PCDHGB3: variants seen among roughly 807,000 people sequenced by gnomAD.
PCDHGB3 encodes protocadherin gamma-B3.
PCDHGB3 carries 40 observed loss-of-function variants against 59.2 expected under a neutral mutation model. The observed-to-expected ratio is 0.68, with a 90% CI of 0.52 to 0.88. The LOEUF is 0.88. PCDHGB3 is among the 40% of genes least tolerant of loss of function. The pLI, the probability that PCDHGB3 is intolerant of heterozygous loss-of-function variation, is 0.00. For synonymous variants in PCDHGB3, 581 were observed against 503.6 expected (o/e 1.15, Z -2.06); for missense variants, 1,309 against 1,187.9 (o/e 1.10, Z -1.50).
At chr5:141,404,516 T>G (rs968433488) in intron 1 of PCDHGB3, 1 of 1,613,754 alleles carries the variant, frequency 6.2e-7, no homozygotes, top group African/African-American at 1.3e-5. Flanking sequence ...CTCCTTTGAC[T>G]ATGAGCAGTT....
intron 1 of PCDHGB3, chr5:141,478,803 T>G: frequency 2.1e-6 from 3 of 1,463,244 alleles, no homozygotes; most frequent in Non-Finnish European, 2.7e-6. Context: ...AGCACTCTTT[T>G]GCTATCACAA....
At chr5:141,409,109 A>G in intron 1 of PCDHGB3, 1 of 1,614,028 alleles carries the variant, frequency 6.2e-7, no homozygotes, top group Non-Finnish European at 8.5e-7. Context: ...TATGATTAAG[A>G]ATAACCAGTC....
At chr5:141,469,543 C>G (rs1031152008) in intron 1 of PCDHGB3, among the ~76,000 whole-genome samples, 4 of 152,040 alleles carry the variant, frequency 2.6e-5, no homozygotes, top group Non-Finnish European at 4.4e-5. Flanking sequence ...CCACTGCACT[C>G]CAGCCTGGCG....
At position 141,485,229 on chromosome 5, in the gene PCDHGB3, TC is replaced by T; in HGVS notation, c.2416-9576del. On this transcript the variant is annotated intron_variant, in intron 1 of 3. Transcript: ENST00000576222. The surrounding 1 kb of genome is among the most constrained non-coding windows in gnomAD (Gnocchi z 5.7). ...ATCTGGCGGTGGGCTACCCTTTTGT[TC>T]CTCTTTTACCACCTGGGTTACGTTT... 6.2e-7 allele frequency: 1 copy of T among 1,614,160 alleles called. No homozygotes were observed. The highest frequency in any genetic ancestry group is 8.5e-7 in the Non-Finnish European group (1 of 1,180,022).
chr5:141,450,829 A>ATTTTTT (rs373424450), intron 1 of PCDHGB3, among the ~76,000 whole-genome samples: 1 of 135,126 alleles, frequency 7.4e-6, no homozygotes. Context: ...TATTATTATT[A>ATTTTTT]TTTTTTTTTT....
chr5:141,422,594 C>G, intron 1 of PCDHGB3: 1 of 1,614,090 alleles, frequency 6.2e-7, no homozygotes, highest in Non-Finnish European at 8.5e-7. Flanking sequence ...TTTCCTCACT[C>G]CTCTTACTCT....
Position 141,477,691 on chromosome 5 carries a change from A to G in PCDHGB3, c.2416-17116A>G, listed in dbSNP as rs1315811441. 6.2e-7 allele frequency: 1 copy of G among 1,614,188 alleles called. No homozygotes were observed. Among genetic ancestry groups the G allele is most frequent in the South Asian group, 1.1e-5 (1 of 91,090 alleles). On this transcript the variant is annotated intron_variant, in intron 1 of 3. Coordinates refer to ENST00000576222, the MANE Select transcript of PCDHGB3 (RefSeq NM_018924.5). This position sits in a 1 kb window ranked among gnomAD's most constrained non-coding sequence, Gnocchi z 4.9. ...GCATAGTGTCATCCTTAGTGCCCCT[A>G]GACTATGAGGATCGGCGGGAATTTG...
chr5:141,414,854 A>C (rs1191943867), intron 1 of PCDHGB3: 3 of 1,614,230 alleles, frequency 1.9e-6, no homozygotes, highest in Non-Finnish European at 2.5e-6. Context: ...CTGGACCAGA[A>C]CGACAATGCG....
chr5:141,407,996 TG>T, intron 1 of PCDHGB3: 1 of 872,306 alleles, frequency 1.1e-6, no homozygotes, highest in Non-Finnish European at 1.7e-6. Flanking sequence ...GCCTCTGGCC[TG>T]GGATTCCCTG....
chr5:141,400,528 A>G, intron 1 of PCDHGB3: 2 of 1,613,868 alleles, frequency 1.2e-6, no homozygotes, highest in South Asian at 2.2e-5. Flanking sequence ...TGAGTTGGTG[A>G]GTTTCATTTA....
intron 1 of PCDHGB3, chr5:141,384,587 T>C: frequency 6.2e-7 from 1 of 1,614,218 alleles, no homozygotes; most frequent in Non-Finnish European, 8.5e-7. Flanking sequence ...CCCGAGATCC[T>C]GTACCCGGCC....
chr5:141,476,754 T>G lies in PCDHGB3; in HGVS notation c.2416-18053T>G. 1 of 1,613,926 alleles carries G rather than the reference T, an allele frequency of 6.2e-7. No individual in the cohort carries two copies. The highest frequency in any genetic ancestry group is 1.1e-5 in the South Asian group (1 of 91,084). On this transcript the variant is annotated intron_variant, in intron 1 of 3. Coordinates refer to ENST00000576222, the MANE Select transcript of PCDHGB3 (RefSeq NM_018924.5). The surrounding 1 kb of genome is among the most constrained non-coding windows in gnomAD (Gnocchi z 7.6). Reference sequence around the variant, plus strand: ...GAACGGGAGCCTAGTCTCCAGTTAGTGCTGACGGCGTTGGACGGAGGGACC... The same window carrying G: ...GAACGGGAGCCTAGTCTCCAGTTAGGGCTGACGGCGTTGGACGGAGGGACC...
intron 1 of PCDHGB3, chr5:141,424,083 C>T (rs2096798692): frequency 4.2e-6 from 4 of 957,190 alleles, no homozygotes; most frequent in Non-Finnish European, 5.1e-6. Flanking sequence ...TATATTCCAC[C>T]ATTATTTGCT....
chr5:141,430,967 G>A lies in PCDHGB3; in HGVS notation c.2415+58158G>A, dbSNP rs746992307. 5 of 1,613,256 alleles carry A rather than the reference G, an allele frequency of 3.1e-6. No individual in the cohort carries two copies. In the East Asian group the frequency reaches 6.7e-5, roughly 22 times the overall value. On this transcript the variant is annotated intron_variant, in intron 1 of 3. Coordinates refer to ENST00000576222, the MANE Select transcript of PCDHGB3 (RefSeq NM_018924.5). ...GCGCGGAGTCCGCATCATCCCCAGA[G>A]GTAGGACGCAGCTTTTCGCCCTGAA... is the stretch of plus-strand genomic sequence containing the variant.
intron 1 of PCDHGB3, chr5:141,387,909 G>C (rs1383616266): frequency 8.0e-6 from 12 of 1,498,886 alleles, no homozygotes; most frequent in Non-Finnish European, 1.1e-5. Flanking sequence ...CGGGGAGCTG[G>C]GCCGGGCTGA....
rs200356364 is a variant in PCDHGB3, at chr5:141,470,128, C to CA, written c.2416-24670dup. On this transcript the variant is annotated intron_variant, in intron 1 of 3. Transcript: ENST00000576222. ...TGAGCAACAGAGCAAGACTTCGTCT[C>CA]AAAAAAAAAGATCATAGATCATCTT... 4.0e-3 allele frequency among the ~76,000 whole-genome samples: 596 copies of CA among 150,150 alleles called. 6 individuals are homozygous for CA. The highest frequency in any genetic ancestry group is 0.011 in the Admixed American group (171 of 15,136).
chr5:141,438,471 A>C (rs1019238906), intron 1 of PCDHGB3, among the ~76,000 whole-genome samples: 4 of 151,396 alleles, frequency 2.6e-5, no homozygotes, highest in Admixed American at 2.6e-4. Flanking sequence ...CAATTATTGG[A>C]AAGTGGTCTC....
chr5:141,381,798 C>CTCTTTCTTTCTTTCTTTCTT (rs372235829), intron 1 of PCDHGB3, among the ~76,000 whole-genome samples: 32 of 144,170 alleles, frequency 2.2e-4, no homozygotes, highest in African/African-American at 7.7e-4. Flanking sequence ...AGGCAATTCC[C>CTCTTTCTTTCTTTCTTTCTT]TCTTTCTTTC....
intron 1 of PCDHGB3, among the ~76,000 whole-genome samples, chr5:141,450,005 TC>T (rs2098662434): frequency 1.0e-5 from 1 of 99,604 alleles, no homozygotes; most frequent in Non-Finnish European, 1.8e-5. Flanking sequence ...TTGCCATGTC[TC>T]TTTTTTTTTT....
Sources: gnomAD v4.1 joint callset for allele counts (sites outside exome capture counted in the v4.1 genomes callset) on GRCh38, gnomAD v4.1.1 for gene constraint, Gnocchi (gnomAD v3.1) non-coding constraint, MANE v1.5 for transcripts, NCBI Gene and HGNC (gene_info 2026-07-23, HGNC 2026-07-21) for gene names.